PCCA: variants seen among roughly 807,000 people sequenced by gnomAD.
PCCA encodes propionyl-CoA carboxylase alpha chain, mitochondrial.
PCCA carries 74 observed loss-of-function variants against 101.3 expected under a neutral mutation model. The observed-to-expected ratio is 0.73, with a 90% CI of 0.61 to 0.89. PCCA has a LOEUF of 0.89. Ranked by LOEUF, PCCA falls within the 40% of genes least tolerant of loss-of-function variation. The pLI, the probability that PCCA is intolerant of heterozygous loss-of-function variation, is 0.00. For missense variants in PCCA, 891 were observed against 907.0 expected, an observed-to-expected ratio of 0.98 and a Z score of 0.23; for synonymous variants, 294 against 313.6, an observed-to-expected ratio of 0.94 and a Z score of 0.66.
chr13:100,147,367 G>T (rs2152361460), intron 4 of PCCA, among the ~76,000 whole-genome samples: 1 of 152,304 alleles, frequency 6.6e-6, no homozygotes, highest in Non-Finnish European at 1.5e-5. Context: ...TATGCATAGT[G>T]TCATCATTTA....
intron 20 of PCCA, among the ~76,000 whole-genome samples, chr13:100,436,046 A>AT (rs1595892306): frequency 2.8e-5 from 4 of 141,294 alleles, no homozygotes; most frequent in Non-Finnish European, 1.5e-5. Flanking sequence ...TCTGTCTCAA[A>AT]TAAAAAAAAA....
intron 12 of PCCA, among the ~76,000 whole-genome samples, chr13:100,284,411 C>T (rs1175182870): frequency 6.6e-6 from 1 of 152,178 alleles, no homozygotes; most frequent in African/African-American, 2.4e-5. Flanking sequence ...AATGCCTGCC[C>T]AGTCCAAATC....
At chr13:100,484,750 T>G (rs2084234094) in intron 21 of PCCA, among the ~76,000 whole-genome samples, 1 of 152,126 alleles carries the variant, frequency 6.6e-6, no homozygotes, top group Non-Finnish European at 1.5e-5. Flanking sequence ...ACTATAAATC[T>G]TAACTCAACA....
chr13:100,118,087 GC>G (rs1186146430), intron 4 of PCCA, among the ~76,000 whole-genome samples: 2 of 146,868 alleles, frequency 1.4e-5, no homozygotes, highest in Admixed American at 1.4e-4. Context: ...CTGCAGTCCA[GC>G]CTGGGCGACA....
intron 4 of PCCA, among the ~76,000 whole-genome samples, chr13:100,115,882 A>G (rs138921656): frequency 1.8e-3 from 269 of 152,314 alleles, no homozygotes; most frequent in African/African-American, 6.0e-3. Context: ...AGACCCCACA[A>G]TGGAAGCAAT....
At chr13:100,202,168 C>CCA (rs1453001873) in intron 6 of PCCA, among the ~76,000 whole-genome samples, 9 of 96,794 alleles carry the variant, frequency 9.3e-5, no homozygotes, top group Admixed American at 3.5e-4. Context: ...CATCTCTACC[C>CCA]AAAAAAAAAA....
chr13:100,435,526 G>A (rs1021930308), intron 20 of PCCA, among the ~76,000 whole-genome samples: 3 of 152,148 alleles, frequency 2.0e-5, no homozygotes. Context: ...GTCCGATCAC[G>A]TGTATTCATG....
chr13:100,175,267 AT>A (rs202212759), intron 6 of PCCA, among the ~76,000 whole-genome samples: 20 of 151,640 alleles, frequency 1.3e-4, no homozygotes, highest in Middle Eastern at 3.4e-3. Context: ...TACATTGTTG[AT>A]TTTTTTTTCC....
At chr13:100,374,356 C>T (rs1010902792) in intron 19 of PCCA, among the ~76,000 whole-genome samples, 3 of 151,866 alleles carry the variant, frequency 2.0e-5, no homozygotes, top group Non-Finnish European at 4.4e-5. Context: ...GGTGATAAGC[C>T]GAAAAGTACC....
chr13:100,295,778 C>G (rs1219366896), intron 12 of PCCA, among the ~76,000 whole-genome samples: 1 of 152,194 alleles, frequency 6.6e-6, no homozygotes, highest in Non-Finnish European at 1.5e-5. Context: ...AGATATAGCA[C>G]TGTTGAAGGA....
chr13:100,134,448 T>C (rs1399741648), intron 4 of PCCA, among the ~76,000 whole-genome samples: 1 of 152,262 alleles, frequency 6.6e-6, no homozygotes, highest in African/African-American at 2.4e-5. Context: ...AGATTTTGAT[T>C]AGAATTTTGT....
intron 1 of PCCA, among the ~76,000 whole-genome samples, chr13:100,091,744 T>C (rs1317605310): frequency 6.6e-6 from 1 of 152,170 alleles, no homozygotes; most frequent in Non-Finnish European, 1.5e-5. Context: ...ATTTTTAGGG[T>C]ATATGTAGAG....
chr13:100,337,479 C>T (rs769380488), intron 17 of PCCA, among the ~76,000 whole-genome samples: 1 of 152,124 alleles, frequency 6.6e-6, no homozygotes, highest in Admixed American at 6.5e-5. Context: ...TCCACTCTGG[C>T]CTGTGATCAG....
intron 17 of PCCA, among the ~76,000 whole-genome samples, chr13:100,331,800 GA>G (rs2069618016): frequency 6.6e-6 from 1 of 151,160 alleles, no homozygotes; most frequent in South Asian, 2.1e-4. Flanking sequence ...TTGGTTTAAT[GA>G]GGCTAAGAAC....
intron 17 of PCCA, among the ~76,000 whole-genome samples, chr13:100,338,400 G>C (rs941255134): frequency 1.2e-4 from 18 of 152,064 alleles, no homozygotes; most frequent in African/African-American, 4.1e-4. Context: ...TTGGATCTGG[G>C]AACCTCTGCA....
chr13:100,263,881 G>T (rs1464075941), intron 10 of PCCA, among the ~76,000 whole-genome samples: 1 of 142,874 alleles, frequency 7.0e-6, no homozygotes, highest in Admixed American at 7.0e-5. Flanking sequence ...GTATATATAT[G>T]GTATCTGTAT....
intron 7 of PCCA, among the ~76,000 whole-genome samples, chr13:100,217,350 A>AGGAG (rs1594775754): frequency 6.7e-6 from 1 of 150,212 alleles, no homozygotes; most frequent in African/African-American, 2.5e-5. Flanking sequence ...GAGGCTGAGT[A>AGGAG]GGAGAATCGC....
chr13:100,187,941 C>A (rs1471169307), intron 6 of PCCA, among the ~76,000 whole-genome samples: 1 of 148,288 alleles, frequency 6.7e-6, no homozygotes, highest in Admixed American at 6.7e-5. Context: ...TCCATTGTAT[C>A]ATTCCTATAC....
At chr13:100,483,844 T>G (rs545004540) in intron 21 of PCCA, among the ~76,000 whole-genome samples, 10 of 152,308 alleles carry the variant, frequency 6.6e-5, no homozygotes, top group African/African-American at 2.4e-4. Flanking sequence ...GCACATCCTC[T>G]TGTGTGTGAT....
Sources: gnomAD v4.1 joint callset for allele counts (sites outside exome capture counted in the v4.1 genomes callset) on GRCh38, gnomAD v4.1.1 for gene constraint, MANE v1.5 for transcripts, NCBI Gene and HGNC (gene_info 2026-07-23, HGNC 2026-07-21) for gene names.